ITPR3: variants seen among roughly 807,000 people sequenced by gnomAD.
ITPR3 encodes inositol 1,4,5-trisphosphate receptor type 3, also known as inositol 1,4,5-trisphosphate-gated calcium channel ITPR3.
Under a neutral mutation model 293.2 loss-of-function variants are expected in ITPR3, and 173 were observed. That is an observed-to-expected ratio of 0.59 (90% CI 0.52 to 0.67). The LOEUF (loss-of-function observed/expected upper bound fraction) is 0.67. ITPR3 is among the 30% of genes least tolerant of loss of function. The probability of loss-of-function intolerance (pLI) is 0.00; values close to 1 mark genes in which losing one functional copy is unlikely to be tolerated. For missense variants in ITPR3, 2,796 were observed against 3,592.1 expected (o/e 0.78, Z 5.66); for synonymous variants, 1,295 against 1,444.4 (o/e 0.90, Z 2.35).
In ITPR3 at chr6:33,687,924, G is replaced by T. The variant is rs1471317528; in HGVS notation, c.6265-133G>T. ...CTCAGTCCTAGTTGGGCTGGGCTTGGCCTGCTCTGGCTTGGCGGGGACACT... is the reference window on the plus strand; with the variant it reads ...CTCAGTCCTAGTTGGGCTGGGCTTGTCCTGCTCTGGCTTGGCGGGGACACT... On this transcript the variant is annotated intron_variant, in intron 46 of 57. Coordinates refer to ENST00000605930, the MANE Select transcript of ITPR3 (RefSeq NM_002224.4). This position sits in a 1 kb window ranked among gnomAD's most constrained non-coding sequence, Gnocchi z 5.3. 4.2e-6 allele frequency: 3 copies of T among 713,086 alleles called. No homozygotes were observed. The highest frequency in any genetic ancestry group is 1.8e-5 in the African/African-American group (1 of 55,894). 44.2% of individuals were successfully genotyped at this position (713,086 alleles called of 1,614,324 possible). A position where few individuals can be genotyped will look rare whatever the true frequency, so the allele number is the denominator to read the frequency against.
intron 2 of ITPR3, among the ~76,000 whole-genome samples, chr6:33,647,553 A>G (rs1162364613): frequency 6.6e-6 from 1 of 151,044 alleles, no homozygotes; most frequent in Non-Finnish European, 1.5e-5. Flanking sequence ...CTACCATTCT[A>G]CTCTCTGTTT....
In ITPR3 at chr6:33,667,751, C is replaced by T. The variant is rs199534483; in HGVS notation, c.1714-41C>T. 1 of 1,609,590 alleles carries T rather than the reference C, an allele frequency of 6.2e-7. No individual in the cohort carries two copies. On this transcript the variant is annotated intron_variant, in intron 15 of 57. Coordinates refer to ENST00000605930, the MANE Select transcript of ITPR3 (RefSeq NM_002224.4). The surrounding 1 kb of genome is among the most constrained non-coding windows in gnomAD (Gnocchi z 4.4). ...AGAGCAGAGCTGGGCCCTTGGCCCA[C>T]CTGTGACTCTCTGTGACCCCCAGCC...
At chr6:33,652,017 G>T (rs143083155) in intron 2 of ITPR3, among the ~76,000 whole-genome samples, 4 of 152,234 alleles carry the variant, frequency 2.6e-5, no homozygotes, top group African/African-American at 9.6e-5. Context: ...GCCATGTGGA[G>T]ACCAAGTAGC....
At chr6:33,695,148 C>T (rs1561886451) in intron 57 of ITPR3, 63 bp downstream of exon 57, 2 of 1,566,226 alleles carry the variant, frequency 1.3e-6, no homozygotes, top group Admixed American at 1.7e-5. Context: ...CCCTGCCTGC[C>T]TTCATCCTTC....
intron 3 of ITPR3, 144 bp downstream of exon 3, chr6:33,656,031 C>A: frequency 1.8e-6 from 2 of 1,088,918 alleles, no homozygotes; most frequent in Non-Finnish European, 2.6e-6. Flanking sequence ...TGACAGTTCA[C>A]ACCTGTAATT....
chr6:33,691,546 C>G lies in ITPR3; in HGVS notation c.7226-69C>G, dbSNP rs991304125. 6.0e-6 allele frequency: 8 copies of G among 1,328,532 alleles called. No individual in the cohort carries two copies. Among genetic ancestry groups the G allele is most frequent in the Non-Finnish European group, 8.6e-6 (8 of 935,422 alleles). 82.3% of individuals were successfully genotyped at this position (1,328,532 alleles called of 1,614,324 possible). On this transcript the variant is annotated intron_variant, in intron 52 of 57. Transcript: ENST00000605930. The surrounding 1 kb of genome is among the most constrained non-coding windows in gnomAD (Gnocchi z 4.9). ...GGAAGGTTTCCTGGAGGATGTGACA[C>G]TGGGGACAGAGCCAGGGGATAAGGC...
chr6:33,687,939 G>T lies in ITPR3; in HGVS notation c.6265-118G>T. On this transcript the variant is annotated intron_variant, in intron 46 of 57. Coordinates refer to ENST00000605930, the MANE Select transcript of ITPR3 (RefSeq NM_002224.4). This position sits in a 1 kb window ranked among gnomAD's most constrained non-coding sequence, Gnocchi z 5.3. ...GCTGGGCTTGGCCTGCTCTGGCTTG[G>T]CGGGGACACTCGCTGAAGTGTAGTT... The T allele has an allele frequency of 1.3e-6, 1 of 793,100 alleles. No homozygotes were observed. The highest frequency in any genetic ancestry group is 2.0e-6 in the Non-Finnish European group (1 of 494,930). 49.1% of individuals were successfully genotyped at this position (793,100 alleles called of 1,614,324 possible).
chr6:33,668,773 GC>G, intron 17 of ITPR3, 139 bp downstream of exon 17: 1 of 1,393,710 alleles, frequency 7.2e-7, no homozygotes, highest in Non-Finnish European at 9.8e-7. Flanking sequence ...CCTGTTATGT[GC>G]CCCGCTGTGT....
At position 33,667,720 on chromosome 6, in the gene ITPR3, C is replaced by T. The variant is rs1339414926; in HGVS notation, c.1714-72C>T. 15 of 1,543,882 alleles carry T rather than the reference C, an allele frequency of 9.7e-6. No individual in the cohort carries two copies. Among genetic ancestry groups the T allele is most frequent in the Admixed American group, 5.5e-5 (3 of 54,780 alleles). The stretch of plus-strand genomic sequence containing the variant: ...TCCTTACCTCGGGGTTTGGGGGCAG[C>T]GTTCCAGAGCAGAGCTGGGCCCTTG... On this transcript the variant is annotated intron_variant, in intron 15 of 57. Coordinates refer to ENST00000605930, the MANE Select transcript of ITPR3 (RefSeq NM_002224.4). This position sits in a 1 kb window ranked among gnomAD's most constrained non-coding sequence, Gnocchi z 4.4.
In ITPR3 at chr6:33,677,633, G is replaced by A; in HGVS notation, c.3648+4G>A. On this transcript the variant is annotated splice_donor_region_variant and intron_variant, in intron 28 of 57. Transcript: ENST00000605930. ...GCTGCAGATCCCCTATGACAAGGTG[G>A]CTCTGACTTCTGACCTCTGACTCCC... 1 of 1,613,134 alleles carries A rather than the reference G, an allele frequency of 6.2e-7. No homozygotes were observed. Among genetic ancestry groups the A allele is most frequent in the Non-Finnish European group, 8.5e-7 (1 of 1,179,380 alleles).
intron 3 of ITPR3, among the ~76,000 whole-genome samples, chr6:33,657,609 G>A (rs974135048): frequency 6.6e-6 from 1 of 151,968 alleles, no homozygotes; most frequent in Non-Finnish European, 1.5e-5. Flanking sequence ...TAGGTTCCTG[G>A]GGGGGTAAGG....
intron 56 of ITPR3, 28 bp from the exon 57 acceptor site, chr6:33,694,896 T>C: frequency 6.2e-6 from 10 of 1,613,986 alleles, no homozygotes; most frequent in Non-Finnish European, 8.5e-6. Flanking sequence ...GGCCCACGCC[T>C]GCTTAACCCA....
chr6:33,675,411 G>T lies in ITPR3; in HGVS notation c.3117-280G>T, dbSNP rs969888741. On this transcript the variant is annotated intron_variant, in intron 24 of 57. Transcript: ENST00000605930. This position sits in a 1 kb window ranked among gnomAD's most constrained non-coding sequence, Gnocchi z 5.0. ...GCTGCATTCCATCCTGGGTGACAGAGCAAGACTCTGTCTCAAAAAAAAAAA... is the reference window on the plus strand; with the variant it reads ...GCTGCATTCCATCCTGGGTGACAGATCAAGACTCTGTCTCAAAAAAAAAAA... Among the ~76,000 whole-genome samples the T allele has an allele frequency of 1.0e-4, 15 of 149,376 alleles. No individual in the cohort carries two copies. The highest frequency in any genetic ancestry group is 3.5e-4 in the African/African-American group (14 of 40,346).
At chr6:33,695,114 C>T (rs1363809748) in intron 57 of ITPR3, 29 bp downstream of exon 57, 1 of 1,609,576 alleles carries the variant, frequency 6.2e-7, no homozygotes, top group East Asian at 2.2e-5. Flanking sequence ...CCCAGGCCCA[C>T]CCTGGGTTCT....
At chr6:33,678,951 C>T (rs1283744382) in intron 30 of ITPR3, 112 bp downstream of exon 30, 23 of 1,069,934 alleles carry the variant, frequency 2.1e-5, no homozygotes, top group Non-Finnish European at 2.9e-5. Context: ...ACAAAAGGAA[C>T]ACTCAGCTGC....
Position 33,679,857 on chromosome 6 carries a change from G to A in ITPR3, c.3973-25G>A. ...AGGGCTTGCTGGACCGAGAGAGTGT[G>A]ACACGTGCCCCCTCCCACCCGCAGC... On this transcript the variant is annotated intron_variant, in intron 30 of 57. Coordinates refer to ENST00000605930, the MANE Select transcript of ITPR3 (RefSeq NM_002224.4). This position sits in a 1 kb window ranked among gnomAD's most constrained non-coding sequence, Gnocchi z 4.2. 1 of 1,596,916 alleles carries A rather than the reference G, an allele frequency of 6.3e-7. No homozygotes were observed. Among genetic ancestry groups the A allele is most frequent in the Non-Finnish European group, 8.6e-7 (1 of 1,169,064 alleles).
In ITPR3 at chr6:33,682,470, G is replaced by T; in HGVS notation, c.4477-54G>T. 1 of 1,466,362 alleles carries T rather than the reference G, an allele frequency of 6.8e-7. No homozygotes were observed. Among genetic ancestry groups the T allele is most frequent in the African/African-American group, 1.5e-5 (1 of 68,216 alleles). The allele number at this position is 1,466,362 out of a possible 1,614,324, so 90.8% of individuals were successfully genotyped here. ...TTGGGCCCTGGTTCCTGGACCTGGGGTTGCCCAGGGTGGGGGCCTGGGCTG... is the reference window on the plus strand; with the variant it reads ...TTGGGCCCTGGTTCCTGGACCTGGGTTTGCCCAGGGTGGGGGCCTGGGCTG... On this transcript the variant is annotated intron_variant, in intron 33 of 57. Coordinates refer to ENST00000605930, the MANE Select transcript of ITPR3 (RefSeq NM_002224.4). The surrounding 1 kb of genome is among the most constrained non-coding windows in gnomAD (Gnocchi z 5.4).
chr6:33,694,828 G>A, intron 56 of ITPR3, 96 bp from the exon 57 acceptor site: 3 of 1,464,122 alleles, frequency 2.0e-6, no homozygotes, highest in Non-Finnish European at 2.9e-6. Context: ...TTTGTTAAGG[G>A]TGTGGCAGAA....
In ITPR3 at chr6:33,696,370, G is replaced by A. The variant is rs1215927195; in HGVS notation, c.*590G>A. 5 of 153,022 alleles carry A rather than the reference G, an allele frequency of 3.3e-5. No homozygotes were observed. Among genetic ancestry groups the A allele is most frequent in the Admixed American group, 1.9e-4 (3 of 15,386 alleles). The allele number at this position is 153,022 out of a possible 1,614,324, so 9.5% of individuals were successfully genotyped here. On this transcript the variant is annotated 3_prime_UTR_variant, in exon 58 of 58. Transcript: ENST00000605930. ...GTGGCCTGGTGACTCCATGATGGACGATCTTGCTCCCAGGACCTGCCTCTT... is the reference window on the plus strand; with the variant it reads ...GTGGCCTGGTGACTCCATGATGGACAATCTTGCTCCCAGGACCTGCCTCTT...
Sources: gnomAD v4.1 joint callset for allele counts (sites outside exome capture counted in the v4.1 genomes callset) on GRCh38, gnomAD v4.1.1 for gene constraint, Gnocchi (gnomAD v3.1) non-coding constraint, MANE v1.5 for transcripts, NCBI Gene and HGNC (gene_info 2026-07-23, HGNC 2026-07-21) for gene names.